CCSER1: variants seen among roughly 807,000 people sequenced by gnomAD.
CCSER1 encodes coiled-coil serine rich protein 1.
Under a neutral mutation model 82.0 loss-of-function variants are expected in CCSER1, and 41 were observed. The ratio of observed to expected loss-of-function variants is 0.50; its 90% CI spans 0.39 to 0.65. The LOEUF is 0.65. Among genes scored for constraint, CCSER1 ranks in the 30% least tolerant of loss-of-function variants. CCSER1 has a pLI of 0.00. For synonymous variants in CCSER1, 414 were observed against 383.9 expected, an observed-to-expected ratio of 1.08 and a Z score of -0.92; for missense variants, 1,119 against 1,064.2, an observed-to-expected ratio of 1.05 and a Z score of -0.72.
chr4:91,288,179 TACACATAC>T (rs1743467673), intron 10 of CCSER1, among the ~76,000 whole-genome samples: 1 of 149,716 alleles, frequency 6.7e-6, no homozygotes, highest in African/African-American at 2.4e-5. Flanking sequence ...CACACACATA[TACACATAC>T]ATACACATAT....
intron 3 of CCSER1, among the ~76,000 whole-genome samples, chr4:90,351,992 C>T (rs1432658751): frequency 2.0e-5 from 3 of 151,990 alleles, no homozygotes; most frequent in African/African-American, 7.3e-5. Context: ...AATTTATGAG[C>T]AGTGTATCAT....
chr4:90,951,097 T>C (rs1444661212), intron 9 of CCSER1: 1 of 152,084 alleles, frequency 6.6e-6, no homozygotes, highest in Non-Finnish European at 1.5e-5. Context: ...AACAAATACC[T>C]CTGTATGATT....
intron 9 of CCSER1, among the ~76,000 whole-genome samples, chr4:90,945,884 TCCTC>T (rs1732179659): frequency 6.6e-6 from 1 of 152,198 alleles, no homozygotes; most frequent in East Asian, 1.9e-4. Flanking sequence ...AATATTTTGA[TCCTC>T]ACGAAAGCTA....
chr4:90,316,494 G>A (rs547629422), intron 3 of CCSER1, among the ~76,000 whole-genome samples: 25 of 152,208 alleles, frequency 1.6e-4, no homozygotes, highest in African/African-American at 5.8e-4. Flanking sequence ...CTTAAAATGC[G>A]GTCATGTTTC....
intron 1 of CCSER1, among the ~76,000 whole-genome samples, chr4:90,199,042 C>T (rs918533132): frequency 1.5e-4 from 23 of 152,068 alleles, no homozygotes; most frequent in African/African-American, 4.8e-4. Context: ...CATTTTCAAG[C>T]GTCTGATACA....
At chr4:91,154,313 G>A (rs1455530267) in intron 10 of CCSER1, among the ~76,000 whole-genome samples, 1 of 152,076 alleles carries the variant, frequency 6.6e-6, no homozygotes, top group Non-Finnish European at 1.5e-5. Context: ...TCTGAGCCAG[G>A]CACGGGATAT....
intron 8 of CCSER1, among the ~76,000 whole-genome samples, chr4:90,906,380 A>G (rs895559217): frequency 3.9e-5 from 6 of 152,104 alleles, no homozygotes. Flanking sequence ...GCTGATCGTC[A>G]ACCTGTAATA....
rs189453250 is a variant in CCSER1, at chr4:91,218,322, C to T, written c.2217+132328C>T. ...CTCCAGCTGGCCCGCAAGGGCCGCA[C>T]GCAGCCCCGGTTCCTGCTCGTGCCT... On this transcript the variant is annotated intron_variant, in intron 10 of 10. Transcript: ENST00000509176. Among the ~76,000 whole-genome samples, 14 of 152,304 alleles carry T rather than the reference C, an allele frequency of 9.2e-5. 1 individual carries two copies. Among genetic ancestry groups the T allele is most frequent in the South Asian group, 4.1e-4 (2 of 4,828 alleles).
chr4:90,399,976 A>G, intron 3 of CCSER1, 60 bp from the exon 4 acceptor site: 3 of 887,314 alleles, frequency 3.4e-6, no homozygotes, highest in Admixed American at 2.1e-5. Context: ...TCCACATATG[A>G]GTATTTCCTC....
intron 10 of CCSER1, among the ~76,000 whole-genome samples, chr4:91,372,398 A>G (rs1359189937): frequency 6.6e-6 from 1 of 152,144 alleles, no homozygotes; most frequent in African/African-American, 2.4e-5. Context: ...GTGAAACAAA[A>G]TTAGAGGTAG....
intron 7 of CCSER1, among the ~76,000 whole-genome samples, chr4:90,735,660 T>C (rs191628338): frequency 1.1e-3 from 165 of 152,244 alleles, no homozygotes; most frequent in Non-Finnish European, 2.0e-3. Context: ...TAATGTCTCC[T>C]TTTTCATCTC....
intron 10 of CCSER1, among the ~76,000 whole-genome samples, chr4:91,528,152 C>T (rs1298590748): frequency 1.3e-5 from 2 of 152,040 alleles, no homozygotes; most frequent in African/African-American, 4.8e-5. Context: ...AACTCCTGAC[C>T]TCAAGGAATG....
At chr4:90,155,671 G>T (rs1312097843) in intron 1 of CCSER1, among the ~76,000 whole-genome samples, 1 of 152,190 alleles carries the variant, frequency 6.6e-6, no homozygotes, top group East Asian at 1.9e-4. Context: ...TTGCATAGAG[G>T]TGTTCATAGT....
At chr4:90,767,370 T>C (rs1469923826) in intron 7 of CCSER1, among the ~76,000 whole-genome samples, 3 of 152,154 alleles carry the variant, frequency 2.0e-5, no homozygotes, top group Non-Finnish European at 4.4e-5. Context: ...GCAATTTCAC[T>C]GATGATCTAA....
At chr4:91,506,522 T>C (rs1759498257) in intron 10 of CCSER1, among the ~76,000 whole-genome samples, 1 of 152,178 alleles carries the variant, frequency 6.6e-6, no homozygotes, top group Non-Finnish European at 1.5e-5. Context: ...TAGCATTTAA[T>C]CTATAAATTA....
At chr4:91,001,257 C>T (rs1002279074) in intron 9 of CCSER1, among the ~76,000 whole-genome samples, 16 of 152,156 alleles carry the variant, frequency 1.1e-4, no homozygotes, top group African/African-American at 3.6e-4. Context: ...AGGAATGAAG[C>T]CTACTTGATC....
At chr4:90,268,220 G>A (rs1035376387) in intron 1 of CCSER1, among the ~76,000 whole-genome samples, 12 of 152,058 alleles carry the variant, frequency 7.9e-5, no homozygotes, top group African/African-American at 2.9e-4. Context: ...GTTCTCACTG[G>A]TAGTAATAAA....
chr4:90,974,217 A>G (rs1581240456), intron 9 of CCSER1, among the ~76,000 whole-genome samples: 1 of 151,558 alleles, frequency 6.6e-6, no homozygotes, highest in Non-Finnish European at 1.5e-5. Context: ...AGTGTTCTCA[A>G]TATCTACAAA....
intron 1 of CCSER1, among the ~76,000 whole-genome samples, chr4:90,268,761 G>T (rs894414597): frequency 4.6e-5 from 7 of 151,918 alleles, no homozygotes; most frequent in African/African-American, 1.7e-4. Flanking sequence ...GTTGGTCAAT[G>T]AATGAAAAAA....
Sources: allele counts gnomAD v4.1 joint callset (sites outside exome capture counted in the v4.1 genomes callset), GRCh38; gene constraint gnomAD v4.1.1; transcripts MANE v1.5; gene names NCBI Gene and HGNC (gene_info 2026-07-23, HGNC 2026-07-21).